Variants in THSD4 observed in about 807,000 individuals in gnomAD.
THSD4 encodes the protein thrombospondin type 1 domain containing 4, also known as thrombospondin type-1 domain-containing protein 4.
In THSD4, 69 loss-of-function variants were observed where a neutral mutation model predicts 119.0. The ratio of observed to expected loss-of-function variants is 0.58; its 90% CI spans 0.48 to 0.71. The LOEUF is 0.71. THSD4 is among the 30% of genes least tolerant of loss of function. The pLI is 0.00. For synonymous variants in THSD4, 524 were observed against 540.4 expected (o/e 0.97, Z 0.42); for missense variants, 1,393 against 1,391.1 (o/e 1.00, Z -0.02).
intron 3 of THSD4, among the ~76,000 whole-genome samples, chr15:71,181,023 G>A (rs142532532): frequency 2.6e-5 from 4 of 152,298 alleles, no homozygotes; most frequent in African/African-American, 9.6e-5. Flanking sequence ...CTCTGGAACA[G>A]TGTGAGATTG....
chr15:71,734,212 T>G (rs2053038177), intron 10 of THSD4, among the ~76,000 whole-genome samples: 1 of 152,152 alleles, frequency 6.6e-6, no homozygotes, highest in African/African-American at 2.4e-5. Flanking sequence ...AATAGAAATA[T>G]ATACAGTCAA....
intron 6 of THSD4, among the ~76,000 whole-genome samples, chr15:71,377,463 C>T (rs574842648): frequency 2.6e-4 from 40 of 151,862 alleles, no homozygotes; most frequent in African/African-American, 8.9e-4. Context: ...ATGTCTGCAT[C>T]GGGGTGGAGA....
intron 7 of THSD4, among the ~76,000 whole-genome samples, chr15:71,517,813 T>A (rs1005062388): frequency 6.6e-6 from 1 of 152,262 alleles, no homozygotes; most frequent in Non-Finnish European, 1.5e-5. Context: ...CAAACCTTGC[T>A]CTGTGGCATT....
chr15:71,464,798 T>C (rs2047477596), intron 7 of THSD4, among the ~76,000 whole-genome samples: 1 of 152,170 alleles, frequency 6.6e-6, no homozygotes, highest in Non-Finnish European at 1.5e-5. Context: ...TAAGCCCTCC[T>C]TGGGTAGCCA....
At chr15:71,531,406 G>A (rs976080277) in intron 7 of THSD4, among the ~76,000 whole-genome samples, 3 of 152,184 alleles carry the variant, frequency 2.0e-5, no homozygotes, top group East Asian at 1.9e-4. Flanking sequence ...AAAAAATCCC[G>A]GGAGGTGCAA....
intron 7 of THSD4, among the ~76,000 whole-genome samples, chr15:71,622,652 A>G (rs1368498465): frequency 6.6e-6 from 1 of 152,138 alleles, no homozygotes; most frequent in Admixed American, 6.5e-5. Context: ...TGTAAATTTT[A>G]ATGATGTGAA....
At chr15:71,509,221 T>G (rs994323653) in intron 7 of THSD4, among the ~76,000 whole-genome samples, 1 of 152,186 alleles carries the variant, frequency 6.6e-6, no homozygotes, top group Non-Finnish European at 1.5e-5. Flanking sequence ...CAGGCTTGTT[T>G]ATTGCTTGCT....
intron 6 of THSD4, among the ~76,000 whole-genome samples, chr15:71,333,948 T>A (rs1485104195): frequency 6.6e-6 from 1 of 152,200 alleles, no homozygotes; most frequent in East Asian, 1.9e-4. Context: ...TTTGCCTGTT[T>A]CTTTTAAGCC....
At chr15:71,773,200 C>CAAAAAAAAAAA (rs5813665) in intron 17 of THSD4, among the ~76,000 whole-genome samples, 3 of 53,990 alleles carry the variant, frequency 5.6e-5, no homozygotes, top group Middle Eastern at 0.014. Flanking sequence ...GACCATGTCT[C>CAAAAAAAAAAA]AAAAAAAAAA....
intron 7 of THSD4, among the ~76,000 whole-genome samples, chr15:71,594,282 C>G (rs1482052772): frequency 6.6e-6 from 1 of 151,346 alleles, no homozygotes; most frequent in Non-Finnish European, 1.5e-5. Flanking sequence ...GATCTCAGTT[C>G]ACTGCAACCT....
intron 7 of THSD4, among the ~76,000 whole-genome samples, chr15:71,632,986 C>T (rs1453106318): frequency 3.9e-5 from 6 of 152,182 alleles, no homozygotes; most frequent in Non-Finnish European, 5.9e-5. Flanking sequence ...TTATTACAGG[C>T]CTCCCAAGTT....
intron 14 of THSD4, among the ~76,000 whole-genome samples, chr15:71,751,211 C>T (rs1342973007): frequency 6.6e-6 from 1 of 152,164 alleles, no homozygotes; most frequent in Non-Finnish European, 1.5e-5. Flanking sequence ...CATTCGTGTT[C>T]TCAGTAAACT....
intron 3 of THSD4, among the ~76,000 whole-genome samples, chr15:71,199,826 G>T (rs1341316260): frequency 1.4e-3 from 171 of 122,606 alleles, no homozygotes; most frequent in African/African-American, 5.0e-3. Flanking sequence ...TGCACGTGTG[G>T]GGTGTGTGTG....
intron 11 of THSD4, among the ~76,000 whole-genome samples, chr15:71,744,131 G>A (rs973865589): frequency 4.0e-5 from 6 of 148,390 alleles, no homozygotes; most frequent in Admixed American, 2.7e-4. Context: ...GAGAAAGGAA[G>A]GCAGAATTGA....
intron 7 of THSD4, among the ~76,000 whole-genome samples, chr15:71,597,302 A>G (rs1230051839): frequency 1.3e-5 from 2 of 152,192 alleles, no homozygotes; most frequent in Admixed American, 1.3e-4. Context: ...TGGACTCTTT[A>G]GCAATTGATA....
intron 7 of THSD4, among the ~76,000 whole-genome samples, chr15:71,562,412 T>A (rs2049139080): frequency 6.6e-6 from 1 of 152,178 alleles, no homozygotes; most frequent in Non-Finnish European, 1.5e-5. Context: ...CCATGCCTCC[T>A]CATTAATCAA....
chr15:71,496,124 T>G (rs139840981), intron 7 of THSD4, among the ~76,000 whole-genome samples: 6 of 152,362 alleles, frequency 3.9e-5, no homozygotes, highest in African/African-American at 1.4e-4. Flanking sequence ...GGAACGTCGC[T>G]TGTTCTAGGT....
intron 7 of THSD4, among the ~76,000 whole-genome samples, chr15:71,482,438 C>T (rs2047747271): frequency 6.6e-6 from 1 of 151,922 alleles, no homozygotes; most frequent in Middle Eastern, 3.4e-3. Flanking sequence ...CTACAGGCAC[C>T]TGCCACCACA....
chr15:71,307,503 G>A (rs2045046877), intron 6 of THSD4, among the ~76,000 whole-genome samples: 1 of 152,204 alleles, frequency 6.6e-6, no homozygotes, highest in African/African-American at 2.4e-5. Context: ...CAGGCACGGT[G>A]GCTCACGCCT....
Sources: allele counts gnomAD v4.1 joint callset (sites outside exome capture counted in the v4.1 genomes callset), GRCh38; gene constraint gnomAD v4.1.1; transcripts MANE v1.5; gene names NCBI Gene and HGNC (gene_info 2026-07-23, HGNC 2026-07-21).